Variants in HNF1B observed in about 807,000 individuals in gnomAD.
HNF1B encodes hepatocyte nuclear factor 1-beta.
In HNF1B, 8 loss-of-function variants were observed where a neutral mutation model predicts 61.7. The observed-to-expected ratio is 0.13, with a 90% CI of 0.08 to 0.23. HNF1B has a LOEUF of 0.23. Among genes scored for constraint, HNF1B ranks in the 10% least tolerant of loss-of-function variants. The probability of loss-of-function intolerance (pLI) is 1.00; values close to 1 mark genes in which losing one functional copy is unlikely to be tolerated. For missense variants in HNF1B, 562 were observed against 714.5 expected, an observed-to-expected ratio of 0.79 and a Z score of 2.43; for synonymous variants, 314 against 287.7, an observed-to-expected ratio of 1.09 and a Z score of -0.93.
Position 37,699,290 on chromosome 17 carries a change from G to C in HNF1B, c.1535-96C>G. On this transcript the variant is annotated intron_variant, in intron 7 of 8. Coordinates refer to ENST00000617811, the MANE Select transcript of HNF1B (RefSeq NM_000458.4). ...CCACACCATAGCTCCCATCTCCTCA[G>C]GTAGATAAAAGGGCTGGTGGTTATA... 3 of 912,316 alleles carry C rather than the reference G, an allele frequency of 3.3e-6. No homozygotes were observed. In the Admixed American group the frequency reaches 5.1e-5, roughly 16 times the overall value. 56.5% of individuals were successfully genotyped at this position (912,316 alleles called of 1,614,324 possible). A position where few individuals can be genotyped will look rare whatever the true frequency, so the allele number is the denominator to read the frequency against.
chr17:37,710,737 G>T (rs565210987), intron 4 of HNF1B, 74 bp from the exon 5 acceptor site: 1 of 1,426,992 alleles, frequency 7.0e-7, no homozygotes, highest in Admixed American at 1.9e-5. Context: ...GGCACCTCTT[G>T]TTTTCAAGGG....
At chr17:37,687,715 G>C (rs1039924199) in intron 8 of HNF1B, among the ~76,000 whole-genome samples, 24 of 152,192 alleles carry the variant, frequency 1.6e-4, no homozygotes, top group African/African-American at 5.8e-4. Flanking sequence ...AGAGTGCTTA[G>C]TGTACTTGAA....
At chr17:37,689,111 C>T (rs983874854) in intron 8 of HNF1B, among the ~76,000 whole-genome samples, 19 of 147,616 alleles carry the variant, frequency 1.3e-4, no homozygotes, top group African/African-American at 4.8e-4. Flanking sequence ...TGCTACTGCA[C>T]TCCAGCCTGG....
chr17:37,739,965 T>A (rs189684314), intron 1 of HNF1B, among the ~76,000 whole-genome samples: 2,036 of 150,208 alleles, frequency 0.014, 39 homozygotes, highest in African/African-American at 0.039. Context: ...TTAATTAATT[T>A]ATTTATTATT....
At chr17:37,733,847 A>T in intron 2 of HNF1B, 26 bp from the exon 3 acceptor site, 1 of 1,612,256 alleles carries the variant, frequency 6.2e-7, no homozygotes, top group South Asian at 1.1e-5. Flanking sequence ...AGTAGATTTG[A>T]TAGGGTCTGT....
chr17:37,709,128 C>A (rs1199019679), intron 5 of HNF1B, among the ~76,000 whole-genome samples: 1 of 152,252 alleles, frequency 6.6e-6, no homozygotes, highest in Non-Finnish European at 1.5e-5. Context: ...GCTTTCCATT[C>A]TCTACCCTTG....
intron 2 of HNF1B, among the ~76,000 whole-genome samples, chr17:37,734,653 A>G (rs538501975): frequency 1.8e-4 from 28 of 152,354 alleles, no homozygotes; most frequent in African/African-American, 6.5e-4. Context: ...TCACATCTGC[A>G]TGAAGCAGGG....
Position 37,744,909 on chromosome 17 carries a change from G to T in HNF1B, c.-25C>A, listed in dbSNP as rs372643312. On this transcript the variant is annotated 5_prime_UTR_variant, in exon 1 of 9. Coordinates refer to ENST00000617811, the MANE Select transcript of HNF1B (RefSeq NM_000458.4). ...TTTTCCAAGGACGGAAAAAGAAGGG[G>T]GTGAGGGGGTGGGTGGGTGCGAGAG... The T allele has an allele frequency of 6.5e-7, 1 of 1,528,388 alleles. No individual in the cohort carries two copies. Among genetic ancestry groups the T allele is most frequent in the Non-Finnish European group, 9.1e-7 (1 of 1,104,584 alleles). The allele number at this position is 1,528,388 out of a possible 1,614,324, so 94.7% of individuals were successfully genotyped here.
chr17:37,707,449 T>C (rs981206144), intron 5 of HNF1B, among the ~76,000 whole-genome samples: 3 of 152,186 alleles, frequency 2.0e-5, no homozygotes, highest in Non-Finnish European at 2.9e-5. Context: ...CCTGGACTGA[T>C]GGAAGCTAGG....
rs920155780 is a variant in HNF1B, at chr17:37,720,911, C to T, written c.1046-10248G>A. ...TAGGGTTGTAGACAATGAAGAAGAA[C>T]GGCCGCTCATTTCTGTCTCCATCCA... On this transcript the variant is annotated intron_variant, in intron 4 of 8. Transcript: ENST00000617811. The T allele has an allele frequency of 2.3e-5, 23 of 985,270 alleles. No individual in the cohort carries two copies. In the African/African-American group the frequency reaches 3.1e-4, roughly 13 times the overall value. 61.0% of individuals were successfully genotyped at this position (985,270 alleles called of 1,614,324 possible). A position where few individuals can be genotyped will look rare whatever the true frequency, so the allele number is the denominator to read the frequency against.
At chr17:37,732,519 G>A (rs2033717560) in intron 3 of HNF1B, among the ~76,000 whole-genome samples, 1 of 152,218 alleles carries the variant, frequency 6.6e-6, no homozygotes, top group Admixed American at 6.5e-5. Context: ...CTCCCTGGCT[G>A]CATTCTTCCC....
intron 8 of HNF1B, among the ~76,000 whole-genome samples, chr17:37,694,475 A>G (rs957451889): frequency 7.5e-6 from 1 of 132,772 alleles, no homozygotes; most frequent in East Asian, 2.3e-4. Flanking sequence ...AGATACTTGA[A>G]GATGTGGAAG....
chr17:37,710,268 T>C (rs2032886472), intron 5 of HNF1B, among the ~76,000 whole-genome samples: 1 of 152,182 alleles, frequency 6.6e-6, no homozygotes, highest in Non-Finnish European at 1.5e-5. Flanking sequence ...ATTCAATCAA[T>C]AAAAAGAGAG....
intron 4 of HNF1B, among the ~76,000 whole-genome samples, chr17:37,713,093 C>T (rs908401827): frequency 6.6e-6 from 1 of 152,208 alleles, no homozygotes; most frequent in Admixed American, 6.5e-5. Context: ...GGACTTCACC[C>T]TGTTTTTCTC....
Position 37,744,562 on chromosome 17 carries a change from G to A in HNF1B, c.323C>T (p.Ala108Val). 1 of 1,604,218 alleles carries A rather than the reference G, an allele frequency of 6.2e-7. No individual in the cohort carries two copies. Among genetic ancestry groups the A allele is most frequent in the Non-Finnish European group, 8.5e-7 (1 of 1,179,874 alleles). The change falls in exon 1 of 9, where the codon GCG (alanine) becomes GTG (valine). Residue 108 changes from alanine (A) to valine (V), a missense_variant. Coordinates refer to ENST00000617811, the MANE Select transcript of HNF1B (RefSeq NM_000458.4). ...CTACCTGAGCATCCGGTCCACCTCC[G>A]CCCGCTGCTCCGCCGCCTCCTCGGT... ...LNTEEAAEQR[A>V]EVDRMLSEDP... is the part of the protein sequence containing the mutation.
chr17:37,691,073 T>A (rs941444621), intron 8 of HNF1B, among the ~76,000 whole-genome samples: 2 of 152,036 alleles, frequency 1.3e-5, no homozygotes, highest in African/African-American at 4.8e-5. Flanking sequence ...GAACCAGGAA[T>A]GGTAGTATCC....
At chr17:37,716,842 A>ATCTCTATCTCTC (rs1491277443) in intron 4 of HNF1B, among the ~76,000 whole-genome samples, 13 of 131,288 alleles carry the variant, frequency 9.9e-5, no homozygotes, top group African/African-American at 3.1e-4. Flanking sequence ...CACTTTAACA[A>ATCTCTATCTCTC]TCTCTCTCTC....
At chr17:37,734,248 G>A (rs2033771868) in intron 2 of HNF1B, among the ~76,000 whole-genome samples, 1 of 152,174 alleles carries the variant, frequency 6.6e-6, no homozygotes, top group Admixed American at 6.5e-5. Context: ...TTCAGAGGCT[G>A]TAGATAGCAC....
chr17:37,695,962 CA>C (rs1380178472), intron 8 of HNF1B, among the ~76,000 whole-genome samples: 1 of 152,088 alleles, frequency 6.6e-6, no homozygotes, highest in Admixed American at 6.5e-5. Context: ...CTGTATTTCT[CA>C]ATGTGAGAAG....
Sources: allele counts gnomAD v4.1 joint callset (sites outside exome capture counted in the v4.1 genomes callset), GRCh38; gene constraint gnomAD v4.1.1; transcripts MANE v1.5; gene names NCBI Gene and HGNC (gene_info 2026-07-23, HGNC 2026-07-21).